Variants in NXN observed in about 807,000 individuals in gnomAD.
The protein encoded by NXN is nucleoredoxin 1.
NXN carries 16 observed loss-of-function variants against 48.6 expected under a neutral mutation model. The ratio of observed to expected loss-of-function variants is 0.33; its 90% confidence interval spans 0.22 to 0.50. NXN has a LOEUF of 0.50. NXN is among the 20% of genes least tolerant of loss of function. The probability of loss-of-function intolerance (pLI) is 0.98; values close to 1 mark genes in which losing one functional copy is unlikely to be tolerated. For synonymous variants in NXN, 281 were observed against 269.6 expected (o/e 1.04, Z -0.41); for missense variants, 492 against 605.5 (o/e 0.81, Z 1.97).
Position 972,168 on chromosome 17 carries a change from C to T in NXN, c.360+7151G>A, listed in dbSNP as rs149771879. Among the ~76,000 whole-genome samples the T allele has an allele frequency of 2.7e-4, 41 of 152,074 alleles. No homozygotes were observed. The East Asian group carries it at 4.9e-3, about 18-fold the overall frequency. Reference sequence around the variant, plus strand: ...ATACAAAATTAGCCGGGCGTGGTGGCACATGCGCCTATAATCCCAGCTACT... The same window carrying T: ...ATACAAAATTAGCCGGGCGTGGTGGTACATGCGCCTATAATCCCAGCTACT... On this transcript the variant is annotated intron_variant, in intron 1 of 7. Transcript: ENST00000336868.
intron 1 of NXN, among the ~76,000 whole-genome samples, chr17:889,562 C>T (rs577375494): frequency 3.9e-5 from 6 of 152,082 alleles, no homozygotes; most frequent in East Asian, 3.9e-4. Flanking sequence ...CTGGTGGTGG[C>T]GTGTGCCTGT....
At chr17:970,260 C>T (rs757837213) in intron 1 of NXN, among the ~76,000 whole-genome samples, 1 of 152,044 alleles carries the variant, frequency 6.6e-6, no homozygotes, top group Admixed American at 6.6e-5. Flanking sequence ...GAAGTTGGAA[C>T]GGCAGTTTCT....
At chr17:887,762 CG>C (rs1179519860) in intron 1 of NXN, among the ~76,000 whole-genome samples, 1 of 151,632 alleles carries the variant, frequency 6.6e-6, no homozygotes, top group Non-Finnish European at 1.5e-5. Context: ...AGGCTTTCTA[CG>C]TGTTTCTACA....
At chr17:807,640 G>A (rs761675245) in intron 5 of NXN, among the ~76,000 whole-genome samples, 16 of 152,240 alleles carry the variant, frequency 1.1e-4, no homozygotes, top group Non-Finnish European at 1.6e-4. Flanking sequence ...CTCCTAAGAC[G>A]AGGTGTGCCG....
At chr17:955,059 C>T (rs1268183442) in intron 1 of NXN, among the ~76,000 whole-genome samples, 5 of 152,128 alleles carry the variant, frequency 3.3e-5, no homozygotes, top group African/African-American at 1.2e-4. Flanking sequence ...AATGAGCCCC[C>T]GCGACGGGGA....
chr17:835,419 A>C (rs1372300659), intron 1 of NXN, among the ~76,000 whole-genome samples: 1 of 152,164 alleles, frequency 6.6e-6, no homozygotes, highest in Non-Finnish European at 1.5e-5. Flanking sequence ...AAAGAAAAAA[A>C]ACAAAGAGGA....
chr17:868,395 C>T (rs1389305646), intron 1 of NXN, among the ~76,000 whole-genome samples: 1 of 152,218 alleles, frequency 6.6e-6, no homozygotes, highest in Non-Finnish European at 1.5e-5. Flanking sequence ...GGTGAGGGAG[C>T]TCCTCCTCGG....
chr17:910,443 T>C (rs910256667), intron 1 of NXN, among the ~76,000 whole-genome samples: 6 of 151,990 alleles, frequency 3.9e-5, no homozygotes, highest in African/African-American at 1.4e-4. Context: ...TCTTTGTAAG[T>C]GGCATAGACA....
intron 1 of NXN, among the ~76,000 whole-genome samples, chr17:976,045 A>G (rs905450409): frequency 1.3e-5 from 2 of 152,240 alleles, no homozygotes; most frequent in Non-Finnish European, 2.9e-5. Context: ...ATGCACAGCT[A>G]TATAATAATG....
intron 1 of NXN, among the ~76,000 whole-genome samples, chr17:974,040 G>A (rs999377178): frequency 2.0e-5 from 3 of 151,754 alleles, no homozygotes; most frequent in African/African-American, 7.3e-5. Flanking sequence ...AAAAGTCATT[G>A]GTTTGAAAAG....
intron 1 of NXN, chr17:911,063 C>G (rs1272230925): frequency 6.6e-6 from 1 of 151,998 alleles, no homozygotes; most frequent in South Asian, 2.1e-4. Flanking sequence ...CAAAGGACTC[C>G]AAGTTCCCAC....
chr17:853,829 T>A (rs999455128), intron 1 of NXN, among the ~76,000 whole-genome samples: 32 of 151,144 alleles, frequency 2.1e-4, no homozygotes, highest in African/African-American at 7.3e-4. Context: ...GTTCAAGTGA[T>A]TCTCCTGCCC....
intron 1 of NXN, among the ~76,000 whole-genome samples, chr17:950,829 G>C (rs1022948940): frequency 6.6e-6 from 1 of 151,586 alleles, no homozygotes; most frequent in South Asian, 2.1e-4. Context: ...ACGAAATGGC[G>C]AAGTGTTTGG....
intron 1 of NXN, among the ~76,000 whole-genome samples, chr17:850,845 C>G (rs2144746105): frequency 6.6e-6 from 1 of 152,336 alleles, no homozygotes; most frequent in East Asian, 1.9e-4. Flanking sequence ...CACTCCCCGG[C>G]CAGGTGTGTG....
chr17:925,475 G>A (rs373252158), intron 1 of NXN, among the ~76,000 whole-genome samples: 3 of 152,260 alleles, frequency 2.0e-5, no homozygotes, highest in East Asian at 3.9e-4. Flanking sequence ...TGCAACCTCC[G>A]CCTCCCGGGT....
chr17:940,226 G>A (rs1057215908), intron 1 of NXN, among the ~76,000 whole-genome samples: 3 of 150,492 alleles, frequency 2.0e-5, no homozygotes, highest in African/African-American at 7.5e-5. Flanking sequence ...GAGCCACTGT[G>A]CCTGGCCTCA....
chr17:928,753 T>G (rs2068825599), intron 1 of NXN, among the ~76,000 whole-genome samples: 1 of 152,072 alleles, frequency 6.6e-6, no homozygotes, highest in Admixed American at 6.6e-5. Context: ...GGAGAATCGC[T>G]TGAACCCGGG....
In NXN at chr17:934,410, C is replaced by A. The variant is rs2068885741; in HGVS notation, c.360+44909G>T. Among the ~76,000 whole-genome samples, 3 of 150,292 alleles carry A rather than the reference C, an allele frequency of 2.0e-5. No homozygotes were observed. The South Asian group carries it at 6.3e-4, about 32-fold the overall frequency. ...GCAGTGAGCCGAGATAGCACCACTG[C>A]ACTCTAGCCTGGGCAACACAACGAG... is the stretch of plus-strand genomic sequence containing the variant. On this transcript the variant is annotated intron_variant, in intron 1 of 7. Transcript: ENST00000336868.
At chr17:839,772 C>T (rs1914031984) in intron 1 of NXN, among the ~76,000 whole-genome samples, 1 of 132,734 alleles carries the variant, frequency 7.5e-6, no homozygotes, top group African/African-American at 2.9e-5. Context: ...CACTGCACTC[C>T]AGCCTGGCGA....
Sources: gnomAD v4.1 joint callset for allele counts (sites outside exome capture counted in the v4.1 genomes callset) on GRCh38, gnomAD v4.1.1 for gene constraint, MANE v1.5 for transcripts, NCBI Gene and HGNC (gene_info 2026-07-23, HGNC 2026-07-21) for gene names.